The following NEK7 variants were observed in gnomAD, a reference collection of about 807,000 sequenced individuals.
The protein encoded by NEK7 is serine/threonine-protein kinase Nek7.
In NEK7, 18 loss-of-function variants were observed where a neutral mutation model predicts 44.6. The observed-to-expected ratio is 0.40, with a 90% confidence interval of 0.28 to 0.60. The LOEUF is 0.60. NEK7 is among the 20% of genes least tolerant of loss of function. The probability of loss-of-function intolerance (pLI) is 0.38; values close to 1 mark genes in which losing one functional copy is unlikely to be tolerated. For missense variants in NEK7, 256 were observed against 366.5 expected, an observed-to-expected ratio of 0.70 and a Z score of 2.46; for synonymous variants, 130 against 121.1, an observed-to-expected ratio of 1.07 and a Z score of -0.48.
At chr1:198,275,689 C>T (rs935250111) in intron 5 of NEK7, among the ~76,000 whole-genome samples, 1 of 151,220 alleles carries the variant, frequency 6.6e-6, no homozygotes, top group African/African-American at 2.4e-5. Flanking sequence ...GAAGTTCCTG[C>T]TTTGTAGTGC....
intron 1 of NEK7, among the ~76,000 whole-genome samples, chr1:198,198,800 G>A (rs115850746): frequency 0.024 from 3,718 of 152,200 alleles, 72 homozygotes; most frequent in African/African-American, 0.046. Context: ...CCCACAATTC[G>A]TCGGTAGCCC....
chr1:198,237,605 C>T (rs1045853446), intron 2 of NEK7, among the ~76,000 whole-genome samples: 1 of 152,206 alleles, frequency 6.6e-6, no homozygotes, highest in African/African-American at 2.4e-5. Context: ...TTCTTTTCTT[C>T]TCCACTGCTG....
intron 9 of NEK7, among the ~76,000 whole-genome samples, chr1:198,298,764 C>T (rs1654788408): frequency 6.6e-6 from 1 of 152,156 alleles, no homozygotes; most frequent in South Asian, 2.1e-4. Context: ...TTCTTCTTGA[C>T]TAATTTTCAG....
chr1:198,239,943 T>C (rs1157400312), intron 2 of NEK7, among the ~76,000 whole-genome samples: 1 of 152,198 alleles, frequency 6.6e-6, no homozygotes, highest in Non-Finnish European at 1.5e-5. Context: ...TGTGTTACTA[T>C]ACTGTAGGCA....
chr1:198,287,297 CG>C (rs1654402718), intron 7 of NEK7, among the ~76,000 whole-genome samples: 1 of 151,792 alleles, frequency 6.6e-6, no homozygotes, highest in Admixed American at 6.6e-5. Context: ...CTGGCTAACA[CG>C]GTGAAACCCC....
At chr1:198,244,488 G>A (rs1210046664) in intron 2 of NEK7, among the ~76,000 whole-genome samples, 3 of 152,116 alleles carry the variant, frequency 2.0e-5, no homozygotes, top group African/African-American at 4.8e-5. Context: ...ATATGAACCC[G>A]TGGCAAACAG....
At chr1:198,228,795 C>G (rs556334721) in intron 1 of NEK7, among the ~76,000 whole-genome samples, 1 of 152,274 alleles carries the variant, frequency 6.6e-6, no homozygotes, top group African/African-American at 2.4e-5. Context: ...TCTAGATATA[C>G]AATCATGTCA....
At chr1:198,169,318 CTT>C (rs376545002) in intron 1 of NEK7, among the ~76,000 whole-genome samples, 1 of 152,308 alleles carries the variant, frequency 6.6e-6, no homozygotes, top group Non-Finnish European at 1.5e-5. Context: ...TTAGAAAGCA[CTT>C]TGGATCACCA....
At chr1:198,287,990 A>G (rs981436421) in intron 7 of NEK7, among the ~76,000 whole-genome samples, 1 of 152,162 alleles carries the variant, frequency 6.6e-6, no homozygotes. Flanking sequence ...TGCCCACACT[A>G]TTTCCAAGTG....
intron 9 of NEK7, among the ~76,000 whole-genome samples, chr1:198,318,012 G>C (rs756270841): frequency 1.4e-5 from 2 of 146,438 alleles, no homozygotes; most frequent in Non-Finnish European, 3.0e-5. Flanking sequence ...GCTGTTCTCT[G>C]CTCTTTTGGA....
chr1:198,315,015 G>T (rs1046673281), intron 9 of NEK7, among the ~76,000 whole-genome samples: 7 of 152,182 alleles, frequency 4.6e-5, no homozygotes, highest in African/African-American at 1.4e-4. Flanking sequence ...GGCAATGGCG[G>T]GCGCCCCTCC....
chr1:198,195,067 T>C (rs1276295616), intron 1 of NEK7, among the ~76,000 whole-genome samples: 2 of 152,162 alleles, frequency 1.3e-5, no homozygotes, highest in Non-Finnish European at 2.9e-5. Flanking sequence ...TATTTGATAT[T>C]GACAGTGGAG....
At chr1:198,222,593 A>G (rs1415320249) in intron 1 of NEK7, among the ~76,000 whole-genome samples, 1 of 151,994 alleles carries the variant, frequency 6.6e-6, no homozygotes, top group Non-Finnish European at 1.5e-5. Context: ...TCCATCACCC[A>G]CCATATCTAA....
intron 1 of NEK7, among the ~76,000 whole-genome samples, chr1:198,167,927 G>T (rs1313405582): frequency 6.6e-6 from 1 of 152,148 alleles, no homozygotes; most frequent in Non-Finnish European, 1.5e-5. Context: ...CTCCTTGTCA[G>T]TAGATACAAG....
chr1:198,171,990 A>T (rs762953079), intron 1 of NEK7, among the ~76,000 whole-genome samples: 2 of 152,196 alleles, frequency 1.3e-5, no homozygotes, highest in Non-Finnish European at 2.9e-5. Flanking sequence ...TTATATTGTA[A>T]AAGTCTGTTT....
At chr1:198,277,780 A>T (rs1214408458) in intron 5 of NEK7, 181 bp from the exon 6 acceptor site, 4 of 534,674 alleles carry the variant, frequency 7.5e-6, no homozygotes, top group Admixed American at 6.6e-5. Context: ...AATAGGAAAA[A>T]AACTTAAGCC....
chr1:198,231,415 A>T (rs186398081), intron 1 of NEK7, among the ~76,000 whole-genome samples: 2 of 148,862 alleles, frequency 1.3e-5, no homozygotes, highest in Non-Finnish European at 3.0e-5. Flanking sequence ...TTTTTTCAAT[A>T]TATCATTTGA....
At chr1:198,248,733 C>A (rs2102911072) in intron 2 of NEK7, among the ~76,000 whole-genome samples, 1 of 152,042 alleles carries the variant, frequency 6.6e-6, no homozygotes, top group Middle Eastern at 3.4e-3. Flanking sequence ...TTGTAAGGTC[C>A]ATTTCAACTC....
chr1:198,207,462 G>A (rs1380062081), intron 1 of NEK7, among the ~76,000 whole-genome samples: 1 of 152,098 alleles, frequency 6.6e-6, no homozygotes, highest in African/African-American at 2.4e-5. Context: ...TGGAAACAAT[G>A]CAGACCCCCC....
Sources: allele counts gnomAD v4.1 joint callset (sites outside exome capture counted in the v4.1 genomes callset), GRCh38; gene constraint gnomAD v4.1.1; transcripts MANE v1.5; gene names NCBI Gene and HGNC (gene_info 2026-07-23, HGNC 2026-07-21).